Variants in LYPD6 observed in about 807,000 individuals in gnomAD.
LYPD6 encodes ly6/PLAUR domain-containing protein 6.
A neutral mutation model predicts 22.7 loss-of-function variants in LYPD6; 15 were observed. That is an observed-to-expected ratio of 0.66 (90% CI 0.44 to 1.02). The LOEUF (loss-of-function observed/expected upper bound fraction) is 1.02, where lower values mean the gene tolerates loss of function less well. Ranked by LOEUF, LYPD6 falls within the 50% of genes least tolerant of loss-of-function variation. LYPD6 has a pLI of 0.00. For missense variants in LYPD6, 189 were observed against 208.4 expected, an observed-to-expected ratio of 0.91 and a Z score of 0.57; for synonymous variants, 72 against 77.5, an observed-to-expected ratio of 0.93 and a Z score of 0.37.
chr2:149,348,061 CAAAAA>C (rs58228847), intron 1 of LYPD6, among the ~76,000 whole-genome samples: 1,614 of 76,710 alleles, frequency 0.021, 12 homozygotes, highest in African/African-American at 0.061. Context: ...ACTAAAAATA[CAAAAA>C]AAAAAAAAAA....
intron 1 of LYPD6, among the ~76,000 whole-genome samples, chr2:149,355,863 T>C (rs1025196017): frequency 1.3e-5 from 2 of 152,186 alleles, no homozygotes; most frequent in Admixed American, 1.3e-4. Context: ...GAATGTGTCT[T>C]TCTCTTTCAC....
intron 1 of LYPD6, 65 bp from the exon 2 acceptor site, chr2:149,437,573 C>T (rs1375094081): frequency 8.4e-6 from 12 of 1,435,304 alleles, no homozygotes; most frequent in East Asian, 2.3e-5. Context: ...AGCATGGGAG[C>T]TCAGCCAAGC....
intron 1 of LYPD6, among the ~76,000 whole-genome samples, chr2:149,374,996 G>A (rs998774348): frequency 2.0e-5 from 3 of 152,150 alleles, no homozygotes; most frequent in Non-Finnish European, 2.9e-5. Flanking sequence ...AGAGGAGATG[G>A]GATGTTCAGT....
Position 149,448,357 on chromosome 2 carries a change from A to G in LYPD6, c.119-692A>G, listed in dbSNP as rs57512558. Among the ~76,000 whole-genome samples, 744 of 152,328 alleles carry G rather than the reference A, an allele frequency of 4.9e-3. 6 individuals carry two copies. Among genetic ancestry groups the G allele is most frequent in the African/African-American group, 0.017 (696 of 41,582 alleles). ...TACCACAACTAGTATATTAATATCA[A>G]TACAATCGGTCTACCAATGTCATTC... is the stretch of plus-strand genomic sequence containing the variant. On this transcript the variant is annotated intron_variant, in intron 2 of 4. Coordinates refer to ENST00000334166, the MANE Select transcript of LYPD6 (RefSeq NM_194317.5).
intron 1 of LYPD6, among the ~76,000 whole-genome samples, chr2:149,356,413 C>T (rs1559122836): frequency 6.6e-6 from 1 of 152,152 alleles, no homozygotes; most frequent in Non-Finnish European, 1.5e-5. Flanking sequence ...GGAGAAGCTT[C>T]AAACACACGA....
chr2:149,382,858 ATTAAG>A (rs1682098884), intron 1 of LYPD6, among the ~76,000 whole-genome samples: 1 of 152,086 alleles, frequency 6.6e-6, no homozygotes, highest in Non-Finnish European at 1.5e-5. Context: ...TTTAAGATAG[ATTAAG>A]TTTTCTTATA....
At chr2:149,417,549 A>G (rs1682991305) in intron 1 of LYPD6, among the ~76,000 whole-genome samples, 1 of 152,146 alleles carries the variant, frequency 6.6e-6, no homozygotes, top group Non-Finnish European at 1.5e-5. Context: ...GGGAGACTGC[A>G]TGTTGGGAGG....
At chr2:149,346,680 G>C (rs994705676) in intron 1 of LYPD6, among the ~76,000 whole-genome samples, 2 of 152,170 alleles carry the variant, frequency 1.3e-5, no homozygotes, top group Non-Finnish European at 2.9e-5. Flanking sequence ...TGACTAGTAA[G>C]TCTCTGTTAT....
intron 1 of LYPD6, among the ~76,000 whole-genome samples, chr2:149,436,655 C>T (rs1683437363): frequency 6.6e-6 from 1 of 152,176 alleles, no homozygotes; most frequent in African/African-American, 2.4e-5. Context: ...AGTCAGCTCA[C>T]TGCAACCTCT....
At chr2:149,417,222 A>T (rs573599568) in intron 1 of LYPD6, among the ~76,000 whole-genome samples, 1 of 152,316 alleles carries the variant, frequency 6.6e-6, no homozygotes, top group East Asian at 1.9e-4. Context: ...ACTGCAGATG[A>T]CATGGACTTG....
chr2:149,392,533 C>G (rs1682335687), intron 1 of LYPD6, among the ~76,000 whole-genome samples: 2 of 152,196 alleles, frequency 1.3e-5, no homozygotes, highest in African/African-American at 4.8e-5. Flanking sequence ...ACCAGTCCCC[C>G]TGAGGACCAG....
At chr2:149,364,771 C>T (rs1000081644) in intron 1 of LYPD6, among the ~76,000 whole-genome samples, 4 of 152,054 alleles carry the variant, frequency 2.6e-5, no homozygotes, top group Admixed American at 2.6e-4. Context: ...AGATTGTATT[C>T]CCTAAAGGCT....
At chr2:149,440,867 A>ATTTTTTT (rs112892707) in intron 2 of LYPD6, among the ~76,000 whole-genome samples, 6 of 144,460 alleles carry the variant, frequency 4.2e-5, no homozygotes, top group African/African-American at 1.5e-4. Context: ...GGCCTGACTA[A>ATTTTTTT]TTTTTTTTTT....
rs57276955 is a variant in LYPD6 at position 149,424,897 on chromosome 2, G to A, written c.-71-12741G>A. 5.4e-3 allele frequency among the ~76,000 whole-genome samples: 818 copies of A among 152,214 alleles called. 6 individuals carry two copies. The highest frequency in any genetic ancestry group is 0.018 in the African/African-American group (762 of 41,538). On this transcript the variant is annotated intron_variant, in intron 1 of 4. Transcript: ENST00000334166. ...CACTTTACTTCCTCCCCAAAGGTTC[G>A]TCTTAGGGTTGTTTTGAAGACAGAA...
At position 149,331,191 on chromosome 2, in the gene LYPD6, A is replaced by G. The variant is rs75505750; in HGVS notation, c.-72+469A>G. Reference sequence around the variant, plus strand: ...CCGGCTGCGGCCACCCGGAGCCTCTAAGGGAGGTGCAGTGTGCTGGAGGTA... The same window carrying G: ...CCGGCTGCGGCCACCCGGAGCCTCTGAGGGAGGTGCAGTGTGCTGGAGGTA... On this transcript the variant is annotated intron_variant, in intron 1 of 4. Coordinates refer to ENST00000334166, the MANE Select transcript of LYPD6 (RefSeq NM_194317.5). Among the ~76,000 whole-genome samples the G allele has an allele frequency of 5.9e-3, 893 of 152,114 alleles. 14 individuals are homozygous for G. Among genetic ancestry groups the G allele is most frequent in the African/African-American group, 0.02 (827 of 41,528 alleles).
At chr2:149,398,510 G>A (rs1177208684) in intron 1 of LYPD6, among the ~76,000 whole-genome samples, 3 of 151,824 alleles carry the variant, frequency 2.0e-5, no homozygotes, top group African/African-American at 7.3e-5. Context: ...AGTGTTCCCA[G>A]CAGATTTTCA....
chr2:149,427,528 C>A (rs894398375), intron 1 of LYPD6, among the ~76,000 whole-genome samples: 2 of 152,188 alleles, frequency 1.3e-5, no homozygotes, highest in Non-Finnish European at 2.9e-5. Flanking sequence ...TTCTCAAGAA[C>A]CTTCAGATTG....
At chr2:149,443,930 C>CT (rs766245738) in intron 2 of LYPD6, among the ~76,000 whole-genome samples, 25,684 of 114,086 alleles carry the variant, frequency 0.23, 3,664 homozygotes, top group African/African-American at 0.35. Flanking sequence ...ATGTGCATAT[C>CT]TTTTTTTTTT....
chr2:149,469,580 A>G (rs375954488), intron 4 of LYPD6, among the ~76,000 whole-genome samples: 1 of 152,294 alleles, frequency 6.6e-6, no homozygotes, highest in Non-Finnish European at 1.5e-5. Context: ...GAAGGCAGAC[A>G]CCTAATTTTC....
Sources: gnomAD v4.1 joint callset for allele counts (sites outside exome capture counted in the v4.1 genomes callset) on GRCh38, gnomAD v4.1.1 for gene constraint, MANE v1.5 for transcripts, NCBI Gene and HGNC (gene_info 2026-07-23, HGNC 2026-07-21) for gene names.